DTWD2: variants seen among roughly 807,000 people sequenced by gnomAD.
DTWD2 encodes DTW motif tRNA-uridine aminocarboxypropyltransferase 2.
A neutral mutation model predicts 31.8 loss-of-function variants in DTWD2; 39 were observed. That is an observed-to-expected ratio of 1.22 (90% confidence interval 0.95 to 1.60). The LOEUF (loss-of-function observed/expected upper bound fraction) is 1.60, where lower values mean the gene tolerates loss of function less well. Among genes scored for constraint, DTWD2 ranks in the 40% most tolerant of loss-of-function variants. DTWD2 has a pLI of 0.00. For missense variants in DTWD2, 515 were observed against 381.5 expected (o/e 1.35, Z -2.92); for synonymous variants, 180 against 142.8 (o/e 1.26, Z -1.86).
At chr5:118,887,391 T>C (rs1752889757) in intron 4 of DTWD2, among the ~76,000 whole-genome samples, 1 of 152,072 alleles carries the variant, frequency 6.6e-6, no homozygotes, top group Admixed American at 6.5e-5. Flanking sequence ...GTTTTGATTG[T>C]TTGGGAAGGC....
At chr5:118,967,084 A>G (rs551428900) in intron 1 of DTWD2, among the ~76,000 whole-genome samples, 68 of 152,148 alleles carry the variant, frequency 4.5e-4, no homozygotes, top group African/African-American at 1.3e-3. Flanking sequence ...AAATAGTAAC[A>G]GAAGTATGGG....
chr5:118,981,135 A>G (rs1415389615), intron 1 of DTWD2, among the ~76,000 whole-genome samples: 4 of 152,230 alleles, frequency 2.6e-5, no homozygotes, highest in Non-Finnish European at 2.9e-5. Context: ...TAAATCTAGA[A>G]TAAGTAAATT....
intron 4 of DTWD2, among the ~76,000 whole-genome samples, chr5:118,858,109 G>C (rs1446033926): frequency 6.6e-6 from 1 of 151,940 alleles, no homozygotes; most frequent in African/African-American, 2.4e-5. Context: ...ATGCTACTAA[G>C]ATTTTGTGGT....
chr5:118,907,300 G>A (rs1009922121), intron 4 of DTWD2, among the ~76,000 whole-genome samples: 4 of 152,162 alleles, frequency 2.6e-5, no homozygotes, highest in Non-Finnish European at 5.9e-5. Context: ...TTTTAGACTT[G>A]TATTAGTCAG....
In DTWD2 at chr5:118,928,738, GT is replaced by G. The variant is rs1753861477; in HGVS notation, c.405-10del. The G allele has an allele frequency of 6.6e-7, 1 of 1,519,522 alleles. No homozygotes were observed. Among genetic ancestry groups the G allele is most frequent in the East Asian group, 2.3e-5 (1 of 42,870 alleles). 94.1% of individuals were successfully genotyped at this position (1,519,522 alleles called of 1,614,324 possible). On this transcript the variant is annotated splice_polypyrimidine_tract_variant and intron_variant, in intron 3 of 5. Transcript: ENST00000510708. ...TTGAAAGTTCAGGATCTCTGAAAAA[GT>G]TTTTTAAAAATATATCTTTATTAGC... is the stretch of plus-strand genomic sequence containing the variant.
Position 118,939,252 on chromosome 5 carries a change from T to C in DTWD2, c.348A>G (p.Ala116=), listed in dbSNP as rs1402478178. The change falls in exon 3 of 6, where the codon GCA becomes GCG. Residue 116 remains alanine, a synonymous_variant. Coordinates refer to ENST00000510708, the MANE Select transcript of DTWD2 (RefSeq NM_173666.4). ...KVLRTVPLLA[A]CLPQDKCKVK... ...CTTTACACTTGTCCTGGGGGAGGCA[T>C]GCTGCTAGTAGAGGAACTGTACGCA... 6.2e-7 allele frequency: 1 copy of C among 1,601,738 alleles called. No homozygotes were observed. Among genetic ancestry groups the C allele is most frequent in the Non-Finnish European group, 8.5e-7 (1 of 1,173,642 alleles).
chr5:118,854,446 TATAA>T (rs1244955588), intron 4 of DTWD2, among the ~76,000 whole-genome samples: 1 of 151,954 alleles, frequency 6.6e-6, no homozygotes, highest in Non-Finnish European at 1.5e-5. Context: ...ACATCAAGAA[TATAA>T]ATAAATAATG....
At chr5:118,900,490 AAAG>A (rs969285899) in intron 4 of DTWD2, among the ~76,000 whole-genome samples, 7 of 152,354 alleles carry the variant, frequency 4.6e-5, no homozygotes, top group East Asian at 1.9e-4. Flanking sequence ...TGAGCTAAAT[AAAG>A]AAGCACTCAT....
intron 4 of DTWD2, among the ~76,000 whole-genome samples, chr5:118,879,680 A>T (rs1419327004): frequency 1.1e-4 from 17 of 151,884 alleles, no homozygotes; most frequent in Non-Finnish European, 1.5e-5. Context: ...AAAGGCCCTT[A>T]TCCTTAGTAA....
intron 4 of DTWD2, among the ~76,000 whole-genome samples, chr5:118,895,918 C>T (rs1460979694): frequency 6.6e-6 from 1 of 152,158 alleles, no homozygotes; most frequent in Non-Finnish European, 1.5e-5. Flanking sequence ...AACCACCTTA[C>T]AATTTGTTTA....
intron 1 of DTWD2, among the ~76,000 whole-genome samples, chr5:118,973,078 CCTT>C: frequency 6.8e-6 from 1 of 147,640 alleles, no homozygotes; most frequent in Admixed American, 6.6e-5. Flanking sequence ...ATTGCAACCC[CCTT>C]TTTTTTTTTT....
At chr5:118,904,570 C>A (rs373968466) in intron 4 of DTWD2, among the ~76,000 whole-genome samples, 2 of 152,174 alleles carry the variant, frequency 1.3e-5, no homozygotes, top group South Asian at 4.1e-4. Context: ...AAATTCCTTA[C>A]ATAAGACGGG....
intron 4 of DTWD2, among the ~76,000 whole-genome samples, chr5:118,872,517 T>C (rs776869444): frequency 2.0e-5 from 3 of 152,090 alleles, no homozygotes; most frequent in African/African-American, 4.8e-5. Flanking sequence ...TCTCAGAAAA[T>C]AGGACAGCCT....
Position 118,838,758 on chromosome 5 carries a change from T to C in DTWD2, c.*2159A>G, listed in dbSNP as rs562205908. On this transcript the variant is annotated 3_prime_UTR_variant, in exon 6 of 6. Coordinates refer to ENST00000510708, the MANE Select transcript of DTWD2 (RefSeq NM_173666.4). ...AACACTAAATTTTAAGCTTTTTAAG[T>C]CTTCAAAAATACTCTAAAATGTTTT... The C allele has an allele frequency of 7.8e-6, 1 of 127,942 alleles. No homozygotes were observed. The highest frequency in any genetic ancestry group is 7.2e-5 in the Admixed American group (1 of 13,818). The allele number at this position is 127,942 out of a possible 1,614,324, so 7.9% of individuals were successfully genotyped here. A position where few individuals can be genotyped will look rare whatever the true frequency, so the allele number is the denominator to read the frequency against.
chr5:118,850,917 G>A (rs1455803114), intron 4 of DTWD2, among the ~76,000 whole-genome samples: 1 of 152,102 alleles, frequency 6.6e-6, no homozygotes, highest in Non-Finnish European at 1.5e-5. Context: ...ATGAAAAAAT[G>A]CTCAGTATCA....
chr5:118,955,685 C>T (rs998901237), intron 1 of DTWD2, among the ~76,000 whole-genome samples: 1 of 151,858 alleles, frequency 6.6e-6, no homozygotes, highest in Non-Finnish European at 1.5e-5. Flanking sequence ...GGTGCAGCTA[C>T]TCAGGAGGCT....
chr5:118,987,967 G>A (rs1035623115), intron 1 of DTWD2, among the ~76,000 whole-genome samples: 1 of 152,166 alleles, frequency 6.6e-6, no homozygotes, highest in Admixed American at 6.5e-5. Context: ...AAATATGACT[G>A]TGTAACTATT....
At chr5:118,978,797 G>A (rs1221058615) in intron 1 of DTWD2, among the ~76,000 whole-genome samples, 1 of 150,238 alleles carries the variant, frequency 6.7e-6, no homozygotes, top group Admixed American at 6.6e-5. Flanking sequence ...CTTGAGGTCA[G>A]GAGTTAGAGA....
At chr5:118,879,142 T>C (rs111259297) in intron 4 of DTWD2, among the ~76,000 whole-genome samples, 15 of 152,152 alleles carry the variant, frequency 9.9e-5, no homozygotes, top group Non-Finnish European at 4.4e-5. Context: ...ACTGGCTATA[T>C]ACCCAATGGA....
Sources: gnomAD v4.1 joint callset for allele counts (sites outside exome capture counted in the v4.1 genomes callset) on GRCh38, gnomAD v4.1.1 for gene constraint, MANE v1.5 for transcripts, NCBI Gene and HGNC (gene_info 2026-07-23, HGNC 2026-07-21) for gene names.